The following KIAA1958 variants were observed in gnomAD, a reference collection of about 807,000 sequenced individuals.
The protein encoded by KIAA1958 is KIAA1958, also known as uncharacterized protein KIAA1958.
A neutral mutation model predicts 47.2 loss-of-function variants in KIAA1958; 14 were observed. That is an observed-to-expected ratio of 0.30 (90% confidence interval 0.20 to 0.46). The LOEUF (loss-of-function observed/expected upper bound fraction) is 0.46. Among genes scored for constraint, KIAA1958 ranks in the 20% least tolerant of loss-of-function variants. KIAA1958 has a pLI of 1.00. For missense variants in KIAA1958, 803 were observed against 909.2 expected, an observed-to-expected ratio of 0.88 and a Z score of 1.50; for synonymous variants, 354 against 353.3, an observed-to-expected ratio of 1.00 and a Z score of -0.02.
At chr9:112,555,676 C>T (rs745381919) in intron 1 of KIAA1958, among the ~76,000 whole-genome samples, 19 of 152,190 alleles carry the variant, frequency 1.2e-4, no homozygotes, top group Admixed American at 2.0e-4. Context: ...AGACGCTGTG[C>T]GCTCGAATAG....
intron 1 of KIAA1958, among the ~76,000 whole-genome samples, chr9:112,540,271 A>T (rs1225398844): frequency 6.6e-6 from 1 of 152,112 alleles, no homozygotes; most frequent in Non-Finnish European, 1.5e-5. Flanking sequence ...AGGAAAAGAA[A>T]ACAACCTGTA....
At chr9:112,562,409 G>A (rs1835348622) in intron 1 of KIAA1958, among the ~76,000 whole-genome samples, 1 of 152,186 alleles carries the variant, frequency 6.6e-6, no homozygotes, top group Non-Finnish European at 1.5e-5. Context: ...TCTGGCAGTG[G>A]AGTCCAGGCT....
At chr9:112,651,546 C>T (rs2131248012) in intron 3 of KIAA1958, among the ~76,000 whole-genome samples, 1 of 152,034 alleles carries the variant, frequency 6.6e-6, no homozygotes, top group African/African-American at 2.4e-5. Flanking sequence ...AGGTGCCTGC[C>T]ACCATACCTG....
chr9:112,530,174 A>C (rs1834730592), intron 1 of KIAA1958, among the ~76,000 whole-genome samples: 1 of 152,180 alleles, frequency 6.6e-6, no homozygotes, highest in South Asian at 2.1e-4. Context: ...GGCAATATTG[A>C]CATAAATTAT....
intron 1 of KIAA1958, among the ~76,000 whole-genome samples, chr9:112,542,593 G>A (rs1192016986): frequency 1.6e-4 from 24 of 152,106 alleles, no homozygotes; most frequent in African/African-American, 4.3e-4. Context: ...TGAAATCTTC[G>A]AAAAGTGAAA....
chr9:112,642,417 A>G (rs182614883), intron 2 of KIAA1958, among the ~76,000 whole-genome samples: 206 of 152,312 alleles, frequency 1.4e-3, no homozygotes, highest in African/African-American at 4.5e-3. Flanking sequence ...TCCATGTCCA[A>G]TGGGACTGCC....
intron 2 of KIAA1958, among the ~76,000 whole-genome samples, chr9:112,588,628 TG>T (rs1773335864): frequency 1.3e-5 from 2 of 152,156 alleles, no homozygotes; most frequent in Non-Finnish European, 2.9e-5. Flanking sequence ...TGTTACTTTG[TG>T]TGTGTGTGTT....
Position 112,660,473 on chromosome 9 carries a change from CTG to C in KIAA1958, c.*406_*407del, listed in dbSNP as rs1837258813. The C allele has an allele frequency of 1.1e-5, 2 of 179,202 alleles. No homozygotes were observed. 11.1% of individuals were successfully genotyped at this position (179,202 alleles called of 1,614,324 possible). ...CAGTAGCTTTAGAACGTTAGGAAGA[CTG>C]TACACTTTGTTGAATTACACTCACA... is the stretch of plus-strand genomic sequence containing the variant. On this transcript the variant is annotated 3_prime_UTR_variant, in exon 4 of 4. Coordinates refer to ENST00000337530, the MANE Select transcript of KIAA1958 (RefSeq NM_133465.4).
intron 1 of KIAA1958, among the ~76,000 whole-genome samples, chr9:112,494,572 TGA>T (rs1179233099): frequency 1.6e-4 from 25 of 151,782 alleles, no homozygotes; most frequent in Non-Finnish European, 3.4e-4. Context: ...TGGCCTCAGG[TGA>T]TCCTCCCAGT....
intron 3 of KIAA1958, among the ~76,000 whole-genome samples, chr9:112,657,400 C>T (rs573627968): frequency 3.2e-4 from 49 of 152,142 alleles, no homozygotes; most frequent in African/African-American, 1.1e-3. Context: ...CCCCACTCTA[C>T]GATTTTGAGT....
intron 3 of KIAA1958, among the ~76,000 whole-genome samples, chr9:112,647,694 G>A (rs985900570): frequency 6.6e-6 from 1 of 152,192 alleles, no homozygotes; most frequent in Non-Finnish European, 1.5e-5. Context: ...TAGAAAACCA[G>A]ACACAACATG....
At chr9:112,607,890 T>A (rs1006390483) in intron 2 of KIAA1958, among the ~76,000 whole-genome samples, 131 of 152,008 alleles carry the variant, frequency 8.6e-4, no homozygotes, top group African/African-American at 3.0e-3. Flanking sequence ...TGGGGGAGAA[T>A]GAGTATGAGT....
At chr9:112,597,183 A>T (rs554839041) in intron 2 of KIAA1958, among the ~76,000 whole-genome samples, 3 of 151,916 alleles carry the variant, frequency 2.0e-5, no homozygotes, top group Non-Finnish European at 4.4e-5. Context: ...AACTTCCCAG[A>T]CTCCTCTTCA....
intron 2 of KIAA1958, among the ~76,000 whole-genome samples, chr9:112,596,285 C>G (rs1836031627): frequency 2.0e-5 from 3 of 151,904 alleles, no homozygotes; most frequent in Non-Finnish European, 2.9e-5. Context: ...GAGTTTGATT[C>G]AAAGAATATA....
chr9:112,659,359 A>G lies in KIAA1958; in HGVS notation c.1441A>G (p.Ile481Val), dbSNP rs749207961. 1.2e-6 allele frequency: 2 copies of G among 1,613,980 alleles called. No homozygotes were observed. The highest frequency in any genetic ancestry group is 1.3e-5 in the African/African-American group (1 of 74,894). Residue 481 changes from isoleucine (I) to valine (V), a missense_variant, in exon 4 of 4, where the codon ATT (isoleucine) becomes GTT (valine). Coordinates refer to ENST00000337530, the MANE Select transcript of KIAA1958 (RefSeq NM_133465.4). ...SDFLATSLHA[I>V]RRGLDRILKN... ...CTTCCTGGCCACCTCGCTCCATGCTATTCGCCGAGGCCTGGACCGCATCCT... is the reference window on the plus strand; with the variant it reads ...CTTCCTGGCCACCTCGCTCCATGCTGTTCGCCGAGGCCTGGACCGCATCCT...
intron 2 of KIAA1958, among the ~76,000 whole-genome samples, chr9:112,628,187 A>G (rs930278486): frequency 1.3e-5 from 2 of 152,172 alleles, no homozygotes; most frequent in Non-Finnish European, 2.9e-5. Context: ...TGTCAGTTCA[A>G]TGGGCTTGTA....
intron 2 of KIAA1958, among the ~76,000 whole-genome samples, chr9:112,593,221 C>T (rs956196224): frequency 6.6e-6 from 1 of 152,124 alleles, no homozygotes; most frequent in African/African-American, 2.4e-5. Flanking sequence ...TTTTGCACCA[C>T]TCAATGTTAT....
At chr9:112,541,014 C>A (rs1352574205) in intron 1 of KIAA1958, among the ~76,000 whole-genome samples, 1 of 152,144 alleles carries the variant, frequency 6.6e-6, no homozygotes, top group Non-Finnish European at 1.5e-5. Flanking sequence ...GTCACCGAGC[C>A]TGGCCTGGAG....
chr9:112,490,537 A>C (rs986245680), intron 1 of KIAA1958, among the ~76,000 whole-genome samples: 1 of 152,210 alleles, frequency 6.6e-6, no homozygotes, highest in Admixed American at 6.5e-5. Flanking sequence ...CACTGCATAG[A>C]TTCCATAATG....
Sources: allele counts gnomAD v4.1 joint callset (sites outside exome capture counted in the v4.1 genomes callset), GRCh38; gene constraint gnomAD v4.1.1; transcripts MANE v1.5; gene names NCBI Gene and HGNC (gene_info 2026-07-23, HGNC 2026-07-21).